ADAMTS9: variants seen among roughly 807,000 people sequenced by gnomAD.
The protein encoded by ADAMTS9 is A disintegrin and metalloproteinase with thrombospondin motifs 9.
ADAMTS9 carries 107 observed loss-of-function variants against 257.1 expected under a neutral mutation model. The observed-to-expected ratio is 0.42, with a 90% CI of 0.36 to 0.49. The LOEUF is 0.49. Among genes scored for constraint, ADAMTS9 ranks in the 20% least tolerant of loss-of-function variants. The pLI, the probability that ADAMTS9 is intolerant of heterozygous loss-of-function variation, is 0.03. For synonymous variants in ADAMTS9, 982 were observed against 880.9 expected (o/e 1.11, Z -2.03); for missense variants, 2,353 against 2,469.1 (o/e 0.95, Z 1.00).
At chr3:64,630,394 T>G (rs1700338285) in intron 16 of ADAMTS9, among the ~76,000 whole-genome samples, 1 of 152,132 alleles carries the variant, frequency 6.6e-6, no homozygotes, top group South Asian at 2.1e-4. Flanking sequence ...TGAGACATCA[T>G]CTCTATAAAT....
At chr3:64,555,041 T>C (rs2083315491) in intron 30 of ADAMTS9, among the ~76,000 whole-genome samples, 1 of 152,222 alleles carries the variant, frequency 6.6e-6, no homozygotes, top group Non-Finnish European at 1.5e-5. Context: ...TCACAGGCTC[T>C]ACCTTTTAAG....
intron 38 of ADAMTS9, among the ~76,000 whole-genome samples, chr3:64,526,524 T>C (rs890100406): frequency 4.8e-4 from 73 of 152,340 alleles, no homozygotes; most frequent in Non-Finnish European, 2.4e-4. Context: ...GCAACTGAAT[T>C]TGATGCCAGA....
At chr3:64,671,087 T>C (rs1224337621) in intron 3 of ADAMTS9, among the ~76,000 whole-genome samples, 1 of 152,206 alleles carries the variant, frequency 6.6e-6, no homozygotes, top group East Asian at 1.9e-4. Context: ...AAAATCTGTA[T>C]GCAAATGTTT....
In ADAMTS9 at chr3:64,657,974, A is replaced by G. The variant is rs114624689; in HGVS notation, c.969+528T>C. ...TCACTCCCCAGGCTACTTAATTAGAATCCTGGGGAAGAGGCTATTTTTAGA... is the reference window on the plus strand; with the variant it reads ...TCACTCCCCAGGCTACTTAATTAGAGTCCTGGGGAAGAGGCTATTTTTAGA... On this transcript the variant is annotated intron_variant, in intron 4 of 39. Transcript: ENST00000498707. 6.6e-3 allele frequency among the ~76,000 whole-genome samples: 1,009 copies of G among 152,272 alleles called. 8 individuals are homozygous for G. Among genetic ancestry groups the G allele is most frequent in the African/African-American group, 0.023 (965 of 41,556 alleles).
chr3:64,637,513 T>C (rs528190284), intron 12 of ADAMTS9, among the ~76,000 whole-genome samples: 1 of 152,228 alleles, frequency 6.6e-6, no homozygotes, highest in African/African-American at 2.4e-5. Flanking sequence ...AAATTCAAGA[T>C]GATGCATGAC....
intron 3 of ADAMTS9, among the ~76,000 whole-genome samples, chr3:64,669,022 G>A (rs1444304700): frequency 4.6e-5 from 7 of 152,108 alleles, no homozygotes; most frequent in East Asian, 3.9e-4. Flanking sequence ...CCATGACCAC[G>A]GAAGTGAGTG....
At chr3:64,566,766 A>G (rs1467126997) in intron 29 of ADAMTS9, among the ~76,000 whole-genome samples, 1 of 152,238 alleles carries the variant, frequency 6.6e-6, no homozygotes, top group African/African-American at 2.4e-5. Flanking sequence ...TTAAAAAAAA[A>G]AGTAACAGAT....
chr3:64,528,604 A>G (rs1412740373), intron 38 of ADAMTS9, among the ~76,000 whole-genome samples: 1 of 152,160 alleles, frequency 6.6e-6, no homozygotes, highest in Middle Eastern at 3.2e-3. Context: ...GCCCGGGCTT[A>G]CACTGCAGTT....
At chr3:64,530,779 C>T (rs1295374182) in intron 38 of ADAMTS9, among the ~76,000 whole-genome samples, 1 of 152,042 alleles carries the variant, frequency 6.6e-6, no homozygotes, top group Admixed American at 6.6e-5. Flanking sequence ...TATTTATTTA[C>T]TTATTTTTTT....
At chr3:64,665,504 C>T (rs372518081) in intron 3 of ADAMTS9, among the ~76,000 whole-genome samples, 36 of 152,230 alleles carry the variant, frequency 2.4e-4, no homozygotes, top group African/African-American at 7.7e-4. Context: ...TGCATAGGAA[C>T]GAATGAATAA....
intron 16 of ADAMTS9, among the ~76,000 whole-genome samples, chr3:64,626,423 T>C (rs777480202): frequency 4.6e-4 from 70 of 152,200 alleles, no homozygotes; most frequent in Non-Finnish European, 7.5e-4. Context: ...AGTATGTTTG[T>C]GTTGTAGATT....
At chr3:64,643,996 G>T (rs566589150) in intron 11 of ADAMTS9, among the ~76,000 whole-genome samples, 5 of 152,146 alleles carry the variant, frequency 3.3e-5, no homozygotes, top group Admixed American at 1.3e-4. Context: ...GGCCTTGGGT[G>T]AGTCCTTAAA....
intron 12 of ADAMTS9, among the ~76,000 whole-genome samples, chr3:64,637,056 A>T (rs1700518153): frequency 6.6e-6 from 1 of 152,154 alleles, no homozygotes; most frequent in Non-Finnish European, 1.5e-5. Flanking sequence ...GTTGGTCTGC[A>T]AGTTGATTTG....
chr3:64,582,794 C>G (rs1482390711), intron 28 of ADAMTS9: 1 of 152,108 alleles, frequency 6.6e-6, no homozygotes. Context: ...TATTCACAAT[C>G]CATGGAACAC....
intron 22 of ADAMTS9, among the ~76,000 whole-genome samples, chr3:64,610,567 A>C (rs2084646665): frequency 6.6e-6 from 1 of 152,216 alleles, no homozygotes; most frequent in Non-Finnish European, 1.5e-5. Context: ...GATATATTCA[A>C]ATGACCAACA....
At chr3:64,635,009 A>C (rs1057442719) in intron 12 of ADAMTS9, among the ~76,000 whole-genome samples, 5 of 152,198 alleles carry the variant, frequency 3.3e-5, no homozygotes, top group Middle Eastern at 3.4e-3. Context: ...CCTGAGCTTC[A>C]ATTTTTCCCC....
intron 38 of ADAMTS9, among the ~76,000 whole-genome samples, chr3:64,528,917 G>C (rs565461826): frequency 6.6e-6 from 1 of 151,828 alleles, no homozygotes; most frequent in Non-Finnish European, 1.5e-5. Flanking sequence ...CAAGATGGCA[G>C]AGCCAGTGGG....
At chr3:64,530,441 C>G (rs2082964527) in intron 38 of ADAMTS9, among the ~76,000 whole-genome samples, 1 of 151,322 alleles carries the variant, frequency 6.6e-6, no homozygotes, top group South Asian at 2.1e-4. Flanking sequence ...GTCCCAGCTC[C>G]CAGATATTCA....
chr3:64,655,759 C>T, intron 5 of ADAMTS9, 33 bp downstream of exon 5: 6 of 1,565,136 alleles, frequency 3.8e-6, no homozygotes, highest in East Asian at 4.5e-5. Flanking sequence ...ATTTCGGATA[C>T]AGATAGAAGA....
Sources: allele counts gnomAD v4.1 joint callset (sites outside exome capture counted in the v4.1 genomes callset), GRCh38; gene constraint gnomAD v4.1.1; transcripts MANE v1.5; gene names NCBI Gene and HGNC (gene_info 2026-07-23, HGNC 2026-07-21).